ARHGAP6: variants seen among roughly 807,000 people sequenced by gnomAD.
The protein encoded by ARHGAP6 is Rho GTPase activating protein 6, also known as rho GTPase-activating protein 6.
Under a neutral mutation model 55.7 loss-of-function variants are expected in ARHGAP6, and 16 were observed. The ratio of observed to expected loss-of-function variants is 0.29; its 90% confidence interval spans 0.19 to 0.44. ARHGAP6 has a LOEUF of 0.44. Ranked by LOEUF, ARHGAP6 falls within the 20% of genes least tolerant of loss-of-function variation. The pLI is 1.00. For missense variants in ARHGAP6, 698 were observed against 808.9 expected, an observed-to-expected ratio of 0.86 and a Z score of 1.66; for synonymous variants, 382 against 360.9, an observed-to-expected ratio of 1.06 and a Z score of -0.66.
At chrX:11,353,549 AGTGTGTGTGTGTGT>A (rs200177159) in intron 1 of ARHGAP6, among the ~76,000 whole-genome samples, 843 of 82,451 alleles carry the variant, frequency 0.01, 12 homozygotes, top group African/African-American at 0.035. Context: ...TATTGCTTAT[AGTGTGTGTGTGTGT>A]GTGTGTGTGT....
chrX:11,344,704 AGAAAAGAAAG>A (rs2048755522), intron 1 of ARHGAP6, among the ~76,000 whole-genome samples: 1 of 92,050 alleles, frequency 1.1e-5, no homozygotes. Flanking sequence ...AAAAAAAAAA[AGAAAAGAAAG>A]AAAAGAAAAG....
At chrX:11,566,498 G>A (rs995771323) in intron 1 of ARHGAP6, among the ~76,000 whole-genome samples, 1 of 111,960 alleles carries the variant, frequency 8.9e-6, no homozygotes, top group Non-Finnish European at 1.9e-5. Flanking sequence ...CTGATCACAT[G>A]AATAAAATGT....
intron 1 of ARHGAP6, among the ~76,000 whole-genome samples, chrX:11,382,637 G>A (rs142725768): frequency 1.4e-4 from 16 of 111,246 alleles, no homozygotes; most frequent in Middle Eastern, 4.6e-3. Context: ...ATGCAGCTTC[G>A]TCATCTTAGA....
At chrX:11,303,888 AT>A (rs1201571471) in intron 1 of ARHGAP6, among the ~76,000 whole-genome samples, 2 of 111,711 alleles carry the variant, frequency 1.8e-5, no homozygotes, top group Admixed American at 1.9e-4. Context: ...ATGTACTAAT[AT>A]CATGCTCTGC....
At chrX:11,164,653 A>C (rs1305668412) in intron 9 of ARHGAP6, among the ~76,000 whole-genome samples, 2 of 112,098 alleles carry the variant, frequency 1.8e-5, no homozygotes, top group Non-Finnish European at 3.8e-5. Flanking sequence ...TCCCCAGTTC[A>C]GGCTGACAAC....
chrX:11,536,893 C>T (rs1386404833), intron 1 of ARHGAP6, among the ~76,000 whole-genome samples: 2 of 112,040 alleles, frequency 1.8e-5, no homozygotes, highest in Admixed American at 9.5e-5. Flanking sequence ...AACTTTTTCA[C>T]GGAAGGGCCT....
intron 1 of ARHGAP6, among the ~76,000 whole-genome samples, chrX:11,380,435 T>C (rs899080992): frequency 1.8e-5 from 2 of 112,136 alleles, no homozygotes; most frequent in African/African-American, 6.5e-5. Context: ...GATACTTCTA[T>C]GCGACAACGG....
chrX:11,411,752 A>AT (rs1603189345), intron 1 of ARHGAP6, among the ~76,000 whole-genome samples: 1 of 112,030 alleles, frequency 8.9e-6, no homozygotes, highest in Non-Finnish European at 1.9e-5. Flanking sequence ...TATAATATTG[A>AT]TTTTAATCCT....
rs776399920 is a variant in ARHGAP6 at position 11,235,255 on chromosome X, C to A, written c.748+19293G>T. 3.1e-3 allele frequency among the ~76,000 whole-genome samples: 349 copies of A among 113,408 alleles called. 1 individual carries two copies. The highest frequency in any genetic ancestry group is 4.3e-3 in the Admixed American group (46 of 10,818). On this transcript the variant is annotated intron_variant, in intron 2 of 12. Transcript: ENST00000337414. ...CAACACCACATGTAAGCTGCCAAGG[C>A]TTGGGGCTTGCACCAAGCAACAGCC...
chrX:11,416,981 T>C (rs2049755798), intron 1 of ARHGAP6, among the ~76,000 whole-genome samples: 1 of 100,886 alleles, frequency 9.9e-6, no homozygotes, highest in South Asian at 4.7e-4. Context: ...AACACAGGTG[T>C]TGGAATTATA....
At chrX:11,353,306 G>A (rs2048885038) in intron 1 of ARHGAP6, among the ~76,000 whole-genome samples, 1 of 111,886 alleles carries the variant, frequency 8.9e-6, no homozygotes, top group African/African-American at 3.2e-5. Flanking sequence ...AGGCTGACTA[G>A]TGTGGTGCTG....
intron 1 of ARHGAP6, among the ~76,000 whole-genome samples, chrX:11,447,291 C>T (rs764642281): frequency 8.9e-6 from 1 of 112,200 alleles, no homozygotes; most frequent in Non-Finnish European, 1.9e-5. Flanking sequence ...ATTTCTATAG[C>T]ACCATAACAA....
At chrX:11,214,987 T>TGGGGCCTGAATCAGGGCA (rs1310645675) in intron 2 of ARHGAP6, among the ~76,000 whole-genome samples, 3 of 113,323 alleles carry the variant, frequency 2.6e-5, no homozygotes, top group African/African-American at 9.6e-5. Context: ...TGTCGTTGTC[T>TGGGGCCTGAATCAGGGCA]GGGGCCTGAA....
intron 2 of ARHGAP6, among the ~76,000 whole-genome samples, chrX:11,229,062 G>A (rs1335227503): frequency 3.6e-5 from 4 of 111,922 alleles, no homozygotes; most frequent in Non-Finnish European, 5.6e-5. Context: ...ATCTGTATCC[G>A]TTCCAAAACT....
intron 8 of ARHGAP6, among the ~76,000 whole-genome samples, chrX:11,175,154 A>C (rs901400665): frequency 4.5e-5 from 5 of 111,536 alleles, no homozygotes; most frequent in Non-Finnish European, 9.4e-5. Context: ...TTCACAGCTT[A>C]AAAGAATCAA....
chrX:11,350,547 T>C (rs777139265), intron 1 of ARHGAP6, among the ~76,000 whole-genome samples: 1 of 112,017 alleles, frequency 8.9e-6, no homozygotes, highest in African/African-American at 3.2e-5. Context: ...CTTAGAAATA[T>C]CAAGAGACTG....
chrX:11,218,774 T>C (rs1266917228), intron 2 of ARHGAP6, among the ~76,000 whole-genome samples: 1 of 112,146 alleles, frequency 8.9e-6, no homozygotes, highest in African/African-American at 3.2e-5. Flanking sequence ...TATTCTCTGA[T>C]AGCAGTTTGT....
At position 11,664,670 on chromosome X, in the gene ARHGAP6, C is replaced by A; in HGVS notation, c.159G>T (p.Ala53=). The change falls in exon 1 of 13, where the codon GCG becomes GCT. Residue 53 remains alanine (A), a synonymous_variant. Coordinates refer to ENST00000337414, the MANE Select transcript of ARHGAP6 (RefSeq NM_013427.3). The part of the protein sequence containing the change: ...IGGCGSDEAG[A]EGSARGATAG... The stretch of plus-strand genomic sequence containing the variant: ...CCGTGGCTCCCCGCGCACTGCCCTC[C>A]GCGCCCGCCTCGTCGCTCCCGCAGC... The A allele has an allele frequency of 8.6e-7, 1 of 1,164,170 alleles. No individual in the cohort carries two copies. The highest frequency in any genetic ancestry group is 3.2e-5 in the East Asian group (1 of 31,211).
intron 1 of ARHGAP6, among the ~76,000 whole-genome samples, chrX:11,359,864 A>C: frequency 8.9e-6 from 1 of 112,293 alleles, no homozygotes; most frequent in Non-Finnish European, 1.9e-5. Flanking sequence ...ACCATCAGAG[A>C]ATACTACAAA....
Sources: allele counts gnomAD v4.1 joint callset (sites outside exome capture counted in the v4.1 genomes callset), GRCh38; gene constraint gnomAD v4.1.1; transcripts MANE v1.5; gene names NCBI Gene and HGNC (gene_info 2026-07-23, HGNC 2026-07-21).